PCGF3: variants seen among roughly 807,000 people sequenced by gnomAD.
The protein encoded by PCGF3 is polycomb group ring finger 3, also known as polycomb group RING finger protein 3.
In PCGF3, 7 loss-of-function variants were observed where a neutral mutation model predicts 33.1. The ratio of observed to expected loss-of-function variants is 0.21; its 90% CI spans 0.12 to 0.40. The LOEUF is 0.40. PCGF3 is among the 10% of genes least tolerant of loss of function. The pLI is 1.00. For synonymous variants in PCGF3, 153 were observed against 121.3 expected (o/e 1.26, Z -1.72); for missense variants, 211 against 313.3 (o/e 0.67, Z 2.46).
Position 731,122 on chromosome 4 carries a change from G to A in PCGF3, c.-10+12G>A. Reference sequence around the variant, plus strand: ...GACGTCTAGCGGAGGTGAGGCCCACGCCCCCCGACCCCGGGGGTCCTGCTG... The same window carrying A: ...GACGTCTAGCGGAGGTGAGGCCCACACCCCCCGACCCCGGGGGTCCTGCTG... On this transcript the variant is annotated intron_variant, in intron 3 of 10. Coordinates refer to ENST00000362003, the Ensembl canonical transcript of PCGF3. The A allele has an allele frequency of 2.5e-6, 1 of 398,564 alleles. No homozygotes were observed. The highest frequency in any genetic ancestry group is 4.4e-6 in the Non-Finnish European group (1 of 225,984). The allele number at this position is 398,564 out of a possible 1,614,324, so 24.7% of individuals were successfully genotyped here. A position where few individuals can be genotyped will look rare whatever the true frequency, so the allele number is the denominator to read the frequency against.
chr4:730,320 C>G (rs910488308), intron 1 of PCGF3, among the ~76,000 whole-genome samples: 2 of 152,208 alleles, frequency 1.3e-5, no homozygotes, highest in Non-Finnish European at 2.9e-5. Context: ...GCTCCACAGA[C>G]TCACATCCTG....
chr4:768,897 A>G (rs1745497040), exon 11 of PCGF3: 1 of 152,674 alleles, frequency 6.5e-6, no homozygotes, highest in South Asian at 2.1e-4. Flanking sequence ...TTTGTGCAAT[A>G]GGTTCCAATA....
intron 9 of PCGF3, chr4:762,481 C>T (rs73222811): frequency 0.051 from 7,794 of 152,298 alleles, 285 homozygotes; most frequent in East Asian, 0.12. Flanking sequence ...GAGTTAGGGC[C>T]TGGGGGAGGC....
At chr4:755,157 G>A (rs917853546) in intron 8 of PCGF3, among the ~76,000 whole-genome samples, 7 of 152,250 alleles carry the variant, frequency 4.6e-5, no homozygotes, top group Non-Finnish European at 8.8e-5. Flanking sequence ...GGCGTTGTGT[G>A]CGTGGCACGT....
intron 1 of PCGF3, among the ~76,000 whole-genome samples, chr4:715,749 C>T (rs1488105031): frequency 1.4e-5 from 1 of 71,468 alleles, no homozygotes; most frequent in African/African-American, 5.1e-5. Flanking sequence ...GGTGCTGGGA[C>T]CCTGTGGACA....
intron 1 of PCGF3, among the ~76,000 whole-genome samples, chr4:719,605 G>A (rs557375083): frequency 1.3e-5 from 2 of 152,270 alleles, no homozygotes; most frequent in Admixed American, 6.5e-5. Flanking sequence ...GGAGCGAGGC[G>A]TTTACGCCAT....
intron 9 of PCGF3, chr4:762,155 G>A (rs1745096433): frequency 3.4e-6 from 3 of 875,308 alleles, no homozygotes; most frequent in Non-Finnish European, 4.1e-6. Flanking sequence ...CCCAGAGCCT[G>A]CAAATGGGAT....
At chr4:719,710 G>C (rs773695325) in intron 1 of PCGF3, among the ~76,000 whole-genome samples, 32 of 152,342 alleles carry the variant, frequency 2.1e-4, no homozygotes, top group Middle Eastern at 3.4e-3. Flanking sequence ...GTGCAGGCAG[G>C]GTGTTTGGGG....
At chr4:761,029 C>T (rs1170952103) in intron 8 of PCGF3, among the ~76,000 whole-genome samples, 1 of 152,234 alleles carries the variant, frequency 6.6e-6, no homozygotes, top group Non-Finnish European at 1.5e-5. Flanking sequence ...TAACTCTCAA[C>T]TATTATGTTA....
At chr4:760,115 C>T (rs1022828163) in intron 8 of PCGF3, among the ~76,000 whole-genome samples, 3 of 152,202 alleles carry the variant, frequency 2.0e-5, no homozygotes, top group South Asian at 2.1e-4. Flanking sequence ...GTGGCTCTTG[C>T]GGGGCCTTTA....
chr4:761,407 C>T lies in PCGF3; in HGVS notation c.591C>T (p.Ser197=), dbSNP rs947859226. ...TCGCCAAAAAACTCAACCTTTCATC[C>T]TTTAACGAGGTAACAGTTGATCCCT... Residue 197 remains serine, a synonymous_variant, in exon 9 of 11, where the codon TCC becomes TCT. Coordinates refer to ENST00000362003, the Ensembl canonical transcript of PCGF3. The T allele has an allele frequency of 6.8e-6, 11 of 1,606,568 alleles. No individual in the cohort carries two copies. The East Asian group carries it at 1.8e-4, about 26-fold the overall frequency.
intron 7 of PCGF3, among the ~76,000 whole-genome samples, chr4:744,317 C>T (rs1288920982): frequency 6.6e-6 from 1 of 152,360 alleles, no homozygotes; most frequent in Admixed American, 6.5e-5. Context: ...GCCATGTGGC[C>T]AGTGCGGAGC....
exon 1 of PCGF3, chr4:705,906 GC>G: frequency 6.6e-6 from 1 of 152,174 alleles, no homozygotes; most frequent in Non-Finnish European, 1.5e-5. Context: ...AGGGAGCGGC[GC>G]CCCCTCCCCC....
chr4:761,820 AGCGG>A, intron 9 of PCGF3: 1 of 985,436 alleles, frequency 1.0e-6, no homozygotes. Context: ...CGGCCTTGGC[AGCGG>A]GCGCACCATG....
chr4:765,551 C>G (rs1164920173), intron 10 of PCGF3, among the ~76,000 whole-genome samples: 1 of 152,222 alleles, frequency 6.6e-6, no homozygotes, highest in Non-Finnish European at 1.5e-5. Flanking sequence ...CTGCGAAGGG[C>G]ACAGGCCCTG....
At chr4:732,749 G>A (rs1007439020) in intron 3 of PCGF3, among the ~76,000 whole-genome samples, 2 of 152,242 alleles carry the variant, frequency 1.3e-5, no homozygotes, top group African/African-American at 2.4e-5. Context: ...CCCCACTGAG[G>A]GAAACTCGTG....
intron 1 of PCGF3, among the ~76,000 whole-genome samples, chr4:710,029 G>C (rs556641122): frequency 1.3e-5 from 2 of 152,316 alleles, no homozygotes; most frequent in South Asian, 4.1e-4. Context: ...TGGTTCCCAG[G>C]CTTTTAGAGG....
intron 8 of PCGF3, among the ~76,000 whole-genome samples, chr4:756,871 C>G (rs893155444): frequency 6.6e-6 from 1 of 152,012 alleles, no homozygotes; most frequent in Non-Finnish European, 1.5e-5. Context: ...ACTGCCATGG[C>G]GATGATCGAG....
intron 8 of PCGF3, among the ~76,000 whole-genome samples, chr4:751,753 C>T (rs1018714731): frequency 6.6e-6 from 1 of 152,234 alleles, no homozygotes; most frequent in Non-Finnish European, 1.5e-5. Flanking sequence ...GAGGCTCTGG[C>T]CCTCCCACCC....
Sources: allele counts gnomAD v4.1 joint callset (sites outside exome capture counted in the v4.1 genomes callset), GRCh38; gene constraint gnomAD v4.1.1; transcripts MANE v1.5; gene names NCBI Gene and HGNC (gene_info 2026-07-23, HGNC 2026-07-21).